Variants in ANKS1B observed in about 807,000 individuals in gnomAD.
ANKS1B encodes ankyrin repeat and sterile alpha motif domain-containing protein 1B.
A neutral mutation model predicts 148.3 loss-of-function variants in ANKS1B; 36 were observed. The observed-to-expected ratio is 0.24, with a 90% CI of 0.19 to 0.32. The LOEUF is 0.32. Ranked by LOEUF, ANKS1B falls within the 10% of genes least tolerant of loss-of-function variation. The pLI, the probability that ANKS1B is intolerant of heterozygous loss-of-function variation, is 1.00. For synonymous variants in ANKS1B, 542 were observed against 560.8 expected, an observed-to-expected ratio of 0.97 and a Z score of 0.47; for missense variants, 1,157 against 1,542.6, an observed-to-expected ratio of 0.75 and a Z score of 4.19.
chr12:99,298,294 C>T (rs1044028988), intron 12 of ANKS1B, among the ~76,000 whole-genome samples: 1 of 152,200 alleles, frequency 6.6e-6, no homozygotes, highest in African/African-American at 2.4e-5. Context: ...AAGGGCAGGG[C>T]CATGTGTAGA....
chr12:99,711,248 CTT>C (rs550992701), intron 8 of ANKS1B, among the ~76,000 whole-genome samples: 48 of 152,146 alleles, frequency 3.2e-4, no homozygotes, highest in Non-Finnish European at 2.9e-5. Flanking sequence ...AATGTTATTA[CTT>C]TTATCTTTTT....
At chr12:99,445,643 G>C (rs2095624344) in intron 10 of ANKS1B, among the ~76,000 whole-genome samples, 2 of 152,092 alleles carry the variant, frequency 1.3e-5, no homozygotes, top group Non-Finnish European at 2.9e-5. Context: ...TTTGCTGTGA[G>C]TCTAAGAAGT....
intron 1 of ANKS1B, among the ~76,000 whole-genome samples, chr12:99,892,073 G>C (rs1447557008): frequency 6.6e-6 from 1 of 152,104 alleles, no homozygotes; most frequent in East Asian, 1.9e-4. Flanking sequence ...GCATGATCTC[G>C]GCTCACTGCA....
chr12:98,830,637 C>T (rs1356182533), intron 18 of ANKS1B, among the ~76,000 whole-genome samples: 7 of 152,280 alleles, frequency 4.6e-5, no homozygotes, highest in Non-Finnish European at 8.8e-5. Flanking sequence ...TGGTTACGTC[C>T]GGGTGCCGTG....
At chr12:99,007,862 G>A (rs188296435) in intron 17 of ANKS1B, among the ~76,000 whole-genome samples, 3 of 148,866 alleles carry the variant, frequency 2.0e-5, no homozygotes, top group East Asian at 2.0e-4. Context: ...CTCTTGTGGG[G>A]CAGAGATCCA....
chr12:98,840,909 T>G (rs2099402398), intron 17 of ANKS1B, among the ~76,000 whole-genome samples: 1 of 152,120 alleles, frequency 6.6e-6, no homozygotes, highest in Non-Finnish European at 1.5e-5. Flanking sequence ...AAGGAAAAAT[T>G]TGTTACAAAA....
chr12:99,464,772 C>A (rs1271088812), intron 10 of ANKS1B, among the ~76,000 whole-genome samples: 1 of 152,116 alleles, frequency 6.6e-6, no homozygotes, highest in Non-Finnish European at 1.5e-5. Flanking sequence ...AACAAAGCCT[C>A]CAAGAAATAT....
rs552651449 is a variant in ANKS1B, at chr12:99,823,060, C to A, written c.215+2249G>T. Among the ~76,000 whole-genome samples the A allele has an allele frequency of 1.4e-4, 22 of 152,260 alleles. No homozygotes were observed. The South Asian group carries it at 4.3e-3, about 30-fold the overall frequency. On this transcript the variant is annotated intron_variant, in intron 2 of 26. Transcript: ENST00000683438. The stretch of plus-strand genomic sequence containing the variant: ...CGATTAGTGATGTTGAGCATTTTTT[C>A]ATACACTTGTTGGCCACTTGTATAT...
chr12:99,596,406 CTT>C (rs1405199376), intron 9 of ANKS1B, among the ~76,000 whole-genome samples: 1 of 151,824 alleles, frequency 6.6e-6, no homozygotes, highest in African/African-American at 2.4e-5. Context: ...GTCCTCTCCT[CTT>C]GTTATAAGGA....
At chr12:99,758,881 G>A (rs566728002) in intron 8 of ANKS1B, among the ~76,000 whole-genome samples, 9 of 151,920 alleles carry the variant, frequency 5.9e-5, no homozygotes, top group Non-Finnish European at 1.0e-4. Context: ...GGTAAAACTA[G>A]GATTAGAGAT....
intron 15 of ANKS1B, among the ~76,000 whole-genome samples, chr12:99,150,670 A>T (rs1192740416): frequency 1.3e-5 from 2 of 152,098 alleles, no homozygotes; most frequent in Non-Finnish European, 2.9e-5. Context: ...ATAACAAGGA[A>T]ATAAATAAGC....
intron 14 of ANKS1B, among the ~76,000 whole-genome samples, chr12:99,237,561 A>C (rs2088251638): frequency 6.6e-6 from 1 of 152,200 alleles, no homozygotes; most frequent in South Asian, 2.1e-4. Context: ...TATTTGTGAA[A>C]TAGTCTGCCA....
intron 9 of ANKS1B, among the ~76,000 whole-genome samples, chr12:99,557,020 T>TACAA (rs1477499869): frequency 1.3e-4 from 20 of 152,216 alleles, no homozygotes; most frequent in Non-Finnish European, 1.5e-5. Flanking sequence ...GTCTCAATGG[T>TACAA]ACAACACTGT....
chr12:99,314,119 A>G (rs767489269), intron 12 of ANKS1B, among the ~76,000 whole-genome samples: 2 of 152,194 alleles, frequency 1.3e-5, no homozygotes, highest in Non-Finnish European at 2.9e-5. Context: ...CCTATACACC[A>G]ACAATAGACA....
intron 17 of ANKS1B, among the ~76,000 whole-genome samples, chr12:99,005,451 G>GTT (rs2099935600): frequency 6.6e-6 from 1 of 152,152 alleles, no homozygotes; most frequent in Non-Finnish European, 1.5e-5. Flanking sequence ...TGTATAAAAG[G>GTT]TTTAGTCATG....
intron 16 of ANKS1B, among the ~76,000 whole-genome samples, chr12:99,077,905 A>G (rs1284499443): frequency 6.6e-6 from 1 of 152,190 alleles, no homozygotes; most frequent in African/African-American, 2.4e-5. Flanking sequence ...ACATTTCTAG[A>G]GTGATTCTCT....
intron 12 of ANKS1B, among the ~76,000 whole-genome samples, chr12:99,294,660 CT>C (rs890696792): frequency 7.6e-4 from 110 of 144,258 alleles, no homozygotes; most frequent in Non-Finnish European, 1.3e-3. Context: ...TATTGCACTT[CT>C]TTTTTTTTTG....
At chr12:98,791,777 T>A (rs921732998) in intron 22 of ANKS1B, among the ~76,000 whole-genome samples, 1 of 152,236 alleles carries the variant, frequency 6.6e-6, no homozygotes, top group Non-Finnish European at 1.5e-5. Flanking sequence ...CCAGTCTGAT[T>A]CCTAAGAAGT....
intron 9 of ANKS1B, among the ~76,000 whole-genome samples, chr12:99,596,371 C>T (rs561798017): frequency 6.0e-4 from 91 of 151,790 alleles, no homozygotes; most frequent in African/African-American, 2.2e-3. Flanking sequence ...AACCTTTTTC[C>T]TGTGTGTCCT....
Sources: gnomAD v4.1 joint callset for allele counts (sites outside exome capture counted in the v4.1 genomes callset) on GRCh38, gnomAD v4.1.1 for gene constraint, MANE v1.5 for transcripts, NCBI Gene and HGNC (gene_info 2026-07-23, HGNC 2026-07-21) for gene names.